The following PLA2G4D variants were observed in gnomAD, a reference collection of about 807,000 sequenced individuals.
PLA2G4D encodes cytosolic phospholipase A2 delta.
PLA2G4D carries 80 observed loss-of-function variants against 94.4 expected under a neutral mutation model. That is an observed-to-expected ratio of 0.85 (90% CI 0.71 to 1.02). The LOEUF (loss-of-function observed/expected upper bound fraction) is 1.02. PLA2G4D is among the 50% of genes least tolerant of loss of function. The probability of loss-of-function intolerance (pLI) is 0.00; values close to 1 mark genes in which losing one functional copy is unlikely to be tolerated. For missense variants in PLA2G4D, 1,050 were observed against 1,034.7 expected, an observed-to-expected ratio of 1.01 and a Z score of -0.20; for synonymous variants, 438 against 440.9, an observed-to-expected ratio of 0.99 and a Z score of 0.08.
chr15:42,088,993 G>A (rs9920766), intron 1 of PLA2G4D, among the ~76,000 whole-genome samples: 13,455 of 152,230 alleles, frequency 0.088, 775 homozygotes, highest in Non-Finnish European at 0.13. Flanking sequence ...AAAAAAACCC[G>A]TGCTGGGGCT....
At chr15:42,080,861 G>T (rs1176729194) in intron 12 of PLA2G4D, 136 bp downstream of exon 12, 7 of 1,223,752 alleles carry the variant, frequency 5.7e-6, no homozygotes, top group East Asian at 5.4e-5. Context: ...TTCCTTGTGG[G>T]AAAGCTGCTT....
At chr15:42,071,031 T>G (rs1889801108) in intron 17 of PLA2G4D, 92 bp downstream of exon 17, 17 of 1,547,970 alleles carry the variant, frequency 1.1e-5, no homozygotes, top group East Asian at 2.3e-5. Flanking sequence ...ACCCCAGAAG[T>G]GGATGCTGAC....
rs1433623706 is a variant in PLA2G4D, at chr15:42,067,448, G to C, written c.*1267C>G. ...CCCAGCTACTTGGGAGGCTGAAGTG[G>C]AAGGATCACTTGAGCCCAGGAAGTT... On this transcript the variant is annotated 3_prime_UTR_variant, in exon 20 of 20. Coordinates refer to ENST00000290472, the MANE Select transcript of PLA2G4D (RefSeq NM_178034.4). 1 of 151,090 alleles carries C rather than the reference G, an allele frequency of 6.6e-6. No individual in the cohort carries two copies. Among genetic ancestry groups the C allele is most frequent in the Non-Finnish European group, 1.5e-5 (1 of 67,916 alleles). 9.4% of individuals were successfully genotyped at this position (151,090 alleles called of 1,614,324 possible). A position where few individuals can be genotyped will look rare whatever the true frequency, so the allele number is the denominator to read the frequency against.
chr15:42,093,072 T>A (rs1595601135), intron 1 of PLA2G4D, among the ~76,000 whole-genome samples: 1 of 151,922 alleles, frequency 6.6e-6, no homozygotes, highest in Non-Finnish European at 1.5e-5. Context: ...CCAGAACAGG[T>A]CCCGGATGGC....
Position 42,087,640 on chromosome 15 carries a change from A to C in PLA2G4D, c.106T>G (p.Trp36Gly). The change falls in exon 2 of 20, where the codon TGG becomes GGG. Residue 36 changes from tryptophan (W) to glycine (G), a missense_variant. Transcript: ENST00000290472. ...GGCGGTTACTCACACAGGTCAGCCC[A>C]GCGCAGGTTCCGCGCCTCCAGGACC... ...VRVLEARNLR[W>G]ADLLSEADPY... 1 of 1,614,140 alleles carries C rather than the reference A, an allele frequency of 6.2e-7. No homozygotes were observed. The highest frequency in any genetic ancestry group is 8.5e-7 in the Non-Finnish European group (1 of 1,180,008).
Position 42,068,922 on chromosome 15 carries a change from T to A in PLA2G4D, c.2250A>T (p.Ala750=). Residue 750 remains alanine, a synonymous_variant, in exon 20 of 20, where the codon GCA becomes GCT. Coordinates refer to ENST00000290472, the MANE Select transcript of PLA2G4D (RefSeq NM_178034.4). ...GATCCACTTGGCCACCCTGGAGCTC[T>A]GCGGGGCTGCGCTGGACACCTGCCC... is the stretch of plus-strand genomic sequence containing the variant. The part of the protein sequence containing the change: ...HSAPGVQRSP[A]ELQGGQVDLT... The A allele has an allele frequency of 6.2e-7, 1 of 1,611,268 alleles. No individual in the cohort carries two copies.
chr15:42,092,702 A>AC (rs1461223136), intron 1 of PLA2G4D, among the ~76,000 whole-genome samples: 1 of 151,986 alleles, frequency 6.6e-6, no homozygotes, highest in African/African-American at 2.4e-5. Flanking sequence ...TTGCGCAGGG[A>AC]CCCCAGAGGC....
chr15:42,083,215 G>A lies in PLA2G4D; in HGVS notation c.655C>T (p.Leu219=), dbSNP rs370019567. ...FHYMAALETE[L]SGRLRSSRSN... ...AGACCCACCCTCAGGCGCCCGCTCA[G>A]CTCTGTCTCTAGGGCTGCCATGTAG... Residue 219 remains leucine (L), a synonymous_variant, in exon 8 of 20, where the codon CTG becomes TTG. Coordinates refer to ENST00000290472, the MANE Select transcript of PLA2G4D (RefSeq NM_178034.4). 23 of 1,613,886 alleles carry A rather than the reference G, an allele frequency of 1.4e-5. No individual in the cohort carries two copies. The highest frequency in any genetic ancestry group is 1.9e-5 in the Non-Finnish European group (22 of 1,179,942).
intron 1 of PLA2G4D, among the ~76,000 whole-genome samples, chr15:42,092,797 C>G (rs1333891793): frequency 6.6e-6 from 1 of 152,208 alleles, no homozygotes; most frequent in East Asian, 1.9e-4. Flanking sequence ...TGCCCCGTGC[C>G]CATCTTGGGA....
rs1889712249 is a variant in PLA2G4D at position 42,067,649 on chromosome 15, G to GT, written c.*1065dup. 6.6e-6 allele frequency: 1 copy of GT among 152,026 alleles called. No individual in the cohort carries two copies. The highest frequency in any genetic ancestry group is 2.4e-5 in the African/African-American group (1 of 41,400). 9.4% of individuals were successfully genotyped at this position (152,026 alleles called of 1,614,324 possible). A position where few individuals can be genotyped will look rare whatever the true frequency, so the allele number is the denominator to read the frequency against. On this transcript the variant is annotated 3_prime_UTR_variant, in exon 20 of 20. Transcript: ENST00000290472. ...AAACTGCCCCAGGAATGCAAAGTTG[G>GT]TTTAATATCCAAAAACCAATTAATG...
At position 42,081,494 on chromosome 15, in the gene PLA2G4D, G is replaced by GTC; in HGVS notation, c.940_941dup (p.Asp314GlufsTer23). ...ACCCCCAGACCTCATCCTCCTGCAG[G>GTC]TCTCTGTCCAGCTGCAGGGCCTGCT... On this transcript the variant is annotated frameshift_variant, in exon 11 of 20. Transcript: ENST00000290472. LOFTEE classifies it high-confidence loss of function. The GTC allele has an allele frequency of 1.9e-6, 3 of 1,613,926 alleles. No homozygotes were observed. The highest frequency in any genetic ancestry group is 2.5e-6 in the Non-Finnish European group (3 of 1,179,886).
rs147697319 is a variant in PLA2G4D at position 42,078,325 on chromosome 15, G to C, written c.1317+1212C>G. Among the ~76,000 whole-genome samples, 532 of 152,304 alleles carry C rather than the reference G, an allele frequency of 3.5e-3. 2 individuals are homozygous for C. Among genetic ancestry groups the C allele is most frequent in the African/African-American group, 0.012 (515 of 41,560 alleles). ...AAATTCAGGATGTTGTTTGCCCCTG[G>C]GGCAGGAGTGAAATGAGACTGGGGA... On this transcript the variant is annotated intron_variant, in intron 13 of 19. Coordinates refer to ENST00000290472, the MANE Select transcript of PLA2G4D (RefSeq NM_178034.4).
rs1300692205 is a variant in PLA2G4D, at chr15:42,084,297, G to A, written c.472-518C>T. The stretch of plus-strand genomic sequence containing the variant: ...TGCATGCTGTCTGTGAAGCATACCA[G>A]CAGATGCCCGCCACCCACGCTCCAC... On this transcript the variant is annotated intron_variant, in intron 6 of 19. Coordinates refer to ENST00000290472, the MANE Select transcript of PLA2G4D (RefSeq NM_178034.4). This position sits in a 1 kb window ranked among gnomAD's most constrained non-coding sequence, Gnocchi z 4.8. Among the ~76,000 whole-genome samples the A allele has an allele frequency of 6.6e-6, 1 of 151,500 alleles. No homozygotes were observed. The highest frequency in any genetic ancestry group is 6.6e-5 in the Admixed American group (1 of 15,240).
intron 4 of PLA2G4D, 27 bp downstream of exon 4, chr15:42,086,186 C>T (rs776728): frequency 0.15 from 203,289 of 1,356,034 alleles, 20,062 homozygotes; most frequent in South Asian, 0.29. Context: ...GTGGGGCCCA[C>T]GGGGACTTCC....
At chr15:42,075,246 G>A (rs1465704622) in intron 13 of PLA2G4D, among the ~76,000 whole-genome samples, 1 of 152,166 alleles carries the variant, frequency 6.6e-6, no homozygotes, top group Non-Finnish European at 1.5e-5. Flanking sequence ...ACATAAAACC[G>A]TGCATTAAGT....
intron 1 of PLA2G4D, among the ~76,000 whole-genome samples, chr15:42,089,316 G>A (rs963892208): frequency 6.6e-6 from 1 of 152,094 alleles, no homozygotes; most frequent in Non-Finnish European, 1.5e-5. Flanking sequence ...CAGCACCCAC[G>A]GGGACCTGAA....
intron 13 of PLA2G4D, among the ~76,000 whole-genome samples, chr15:42,073,516 T>C (rs549701236): frequency 1.0e-3 from 154 of 152,334 alleles, no homozygotes; most frequent in African/African-American, 3.3e-3. Flanking sequence ...CTGTCAGCCC[T>C]GGGCTGTTTC....
chr15:42,089,765 C>T (rs1890218168), intron 1 of PLA2G4D, among the ~76,000 whole-genome samples: 2 of 152,192 alleles, frequency 1.3e-5, no homozygotes, highest in South Asian at 4.1e-4. Flanking sequence ...CCCCTGCTCC[C>T]CCGGCCAGGC....
intron 13 of PLA2G4D, among the ~76,000 whole-genome samples, chr15:42,078,970 A>G (rs1889979745): frequency 6.6e-6 from 1 of 152,248 alleles, no homozygotes; most frequent in Non-Finnish European, 1.5e-5. Context: ...TGATGCTGTT[A>G]GAATACTAAA....
Sources: allele counts gnomAD v4.1 joint callset (sites outside exome capture counted in the v4.1 genomes callset), GRCh38; gene constraint gnomAD v4.1.1; non-coding constraint Gnocchi (gnomAD v3.1); transcripts MANE v1.5; gene names NCBI Gene and HGNC (gene_info 2026-07-23, HGNC 2026-07-21).